TGS1: variants seen among roughly 807,000 people sequenced by gnomAD.
TGS1 encodes trimethylguanosine synthase 1.
In TGS1, 69 loss-of-function variants were observed where a neutral mutation model predicts 92.2. The ratio of observed to expected loss-of-function variants is 0.75; its 90% CI spans 0.62 to 0.91. The LOEUF (loss-of-function observed/expected upper bound fraction) is 0.91. TGS1 is among the 40% of genes least tolerant of loss of function. The probability of loss-of-function intolerance (pLI) is 0.00; values close to 1 mark genes in which losing one functional copy is unlikely to be tolerated. For synonymous variants in TGS1, 345 were observed against 338.1 expected (o/e 1.02, Z -0.22); for missense variants, 1,062 against 1,001.2 (o/e 1.06, Z -0.82).
chr8:55,788,769 C>G (rs1247021705), intron 4 of TGS1, among the ~76,000 whole-genome samples: 1 of 152,122 alleles, frequency 6.6e-6, no homozygotes, highest in East Asian at 1.9e-4. Flanking sequence ...CCTTTTTTAT[C>G]TGAAGATTTT....
At position 55,826,279 on chromosome 8, in the gene TGS1, T is replaced by G. The variant is rs1803790340; in HGVS notation, c.*1576T>G. 6.6e-6 allele frequency among the ~76,000 whole-genome samples: 1 copy of G among 152,198 alleles called. No homozygotes were observed. The highest frequency in any genetic ancestry group is 1.5e-5 in the Non-Finnish European group (1 of 68,046). Reference sequence around the variant, plus strand: ...ATATACTTCTTTCCACAGCTCATTTTCTTACTTGTATATTAATAAAGCTAA... The same window carrying G: ...ATATACTTCTTTCCACAGCTCATTTGCTTACTTGTATATTAATAAAGCTAA... On this transcript the variant is annotated 3_prime_UTR_variant, in exon 13 of 13. Coordinates refer to ENST00000260129, the MANE Select transcript of TGS1 (RefSeq NM_024831.8).
intron 10 of TGS1, among the ~76,000 whole-genome samples, chr8:55,806,024 G>A (rs1322030980): frequency 6.6e-6 from 1 of 151,234 alleles, no homozygotes; most frequent in Non-Finnish European, 1.5e-5. Context: ...GCACCACTGT[G>A]CTCTAGCTCG....
Position 55,785,776 on chromosome 8 carries a change from A to C in TGS1, c.224A>C (p.His75Pro), listed in dbSNP as rs767018953. ...GGYSCGTAES[H>P]DSKGIGLDES... is the part of the protein sequence containing the mutation. The stretch of plus-strand genomic sequence containing the variant: ...TATTCCTGTGGTACTGCAGAATCAC[A>C]TGACAGCAAAGGCATAGGCCTGGAT... Residue 75 changes from histidine to proline, a missense_variant, in exon 3 of 13, where the codon CAT (histidine) becomes CCT (proline). His to Pro is a moderately conservative substitution (Grantham distance 77, BLOSUM62 -2). Transcript: ENST00000260129. 6.2e-7 allele frequency: 1 copy of C among 1,613,810 alleles called. No individual in the cohort carries two copies. The highest frequency in any genetic ancestry group is 1.7e-5 in the Admixed American group (1 of 59,966).
At chr8:55,797,740 A>G (rs1172151153) in intron 7 of TGS1, among the ~76,000 whole-genome samples, 1 of 152,184 alleles carries the variant, frequency 6.6e-6, no homozygotes, top group Non-Finnish European at 1.5e-5. Flanking sequence ...CAGAACCTTC[A>G]TGTCAATCAC....
chr8:55,820,190 G>A lies in TGS1; in HGVS notation c.2440-4391G>A, dbSNP rs73603157. 5.7e-3 allele frequency among the ~76,000 whole-genome samples: 872 copies of A among 152,232 alleles called. 10 individuals carry two copies. The highest frequency in any genetic ancestry group is 0.02 in the African/African-American group (818 of 41,536). ...TATTCTTCCAGTAGGATGCAGTTGG[G>A]AGGTTATTTTCTCTCATTCGGTTAT... On this transcript the variant is annotated intron_variant, in intron 12 of 12. Coordinates refer to ENST00000260129, the MANE Select transcript of TGS1 (RefSeq NM_024831.8).
chr8:55,818,871 A>G (rs1480742374), intron 12 of TGS1, among the ~76,000 whole-genome samples: 1 of 152,194 alleles, frequency 6.6e-6, no homozygotes, highest in Non-Finnish European at 1.5e-5. Context: ...AACAGTCTTC[A>G]TGTTTCCAGT....
intron 11 of TGS1, 83 bp downstream of exon 11, chr8:55,811,180 T>TGG: frequency 7.6e-6 from 1 of 131,428 alleles, no homozygotes; most frequent in South Asian, 5.8e-5. Flanking sequence ...GGAGTGTGGG[T>TGG]GGGTGGGCAG....
Position 55,802,491 on chromosome 8 carries a change from C to T in TGS1, c.1884C>T (p.Asn628=). The T allele has an allele frequency of 6.2e-7, 1 of 1,613,754 alleles. No individual in the cohort carries two copies. The highest frequency in any genetic ancestry group is 8.5e-7 in the Non-Finnish European group (1 of 1,179,864). Residue 628 remains asparagine, a synonymous_variant, in exon 9 of 13, where the codon AAC becomes AAT. Transcript: ENST00000260129. The stretch of plus-strand genomic sequence containing the variant: ...AAAAGAAGAAGAACAAGAAGAAGAA[C>T]AAAAAGGTGAATGGTCTGCCTCCTG... The part of the protein sequence containing the change: ...EVKKKKNKKK[N]KKVNGLPPEI...
intron 7 of TGS1, among the ~76,000 whole-genome samples, chr8:55,796,415 C>A (rs761473423): frequency 1.3e-5 from 2 of 152,140 alleles, no homozygotes; most frequent in South Asian, 4.1e-4. Context: ...AGCCGTCAGG[C>A]GTGGTGGCTC....
In TGS1 at chr8:55,795,961, C is replaced by G. The variant is rs757427161; in HGVS notation, c.1368-17C>G. 2 of 1,589,542 alleles carry G rather than the reference C, an allele frequency of 1.3e-6. No homozygotes were observed. Among genetic ancestry groups the G allele is most frequent in the South Asian group, 2.3e-5 (2 of 86,974 alleles). Reference sequence around the variant, plus strand: ...CTAGAATTTAAGTTGTGAATAACTTCTTTTGATCTGTCACAGATATGGTGG... The same window carrying G: ...CTAGAATTTAAGTTGTGAATAACTTGTTTTGATCTGTCACAGATATGGTGG... On this transcript the variant is annotated splice_polypyrimidine_tract_variant and intron_variant, in intron 6 of 12. Coordinates refer to ENST00000260129, the MANE Select transcript of TGS1 (RefSeq NM_024831.8).
intron 9 of TGS1, among the ~76,000 whole-genome samples, 193 bp downstream of exon 9, chr8:55,802,799 C>G (rs1812256106): frequency 6.6e-6 from 1 of 152,150 alleles, no homozygotes. Flanking sequence ...CAGTACTTAA[C>G]ACACATCATG....
chr8:55,815,980 C>T (rs1391128353), intron 12 of TGS1, among the ~76,000 whole-genome samples: 1 of 151,666 alleles, frequency 6.6e-6, no homozygotes, highest in South Asian at 2.1e-4. Context: ...TAGGGTTTCT[C>T]TCTGTCACGC....
rs1355897635 is a variant in TGS1, at chr8:55,786,628, C to A, written c.730C>A (p.Leu244Ile). ...KEEWEQHYSQ[L>I]YWYYLEQFQY... Reference sequence around the variant, plus strand: ...AGAATGGGAGCAACATTATAGTCAACTTTATTGGTATTATTTGGAACAATT... The same window carrying A: ...AGAATGGGAGCAACATTATAGTCAAATTTATTGGTATTATTTGGAACAATT... The change falls in exon 4 of 13, where the codon CTT becomes ATT. Residue 244 changes from leucine to isoleucine, a missense_variant. Coordinates refer to ENST00000260129, the MANE Select transcript of TGS1 (RefSeq NM_024831.8). 1 of 1,614,166 alleles carries A rather than the reference C, an allele frequency of 6.2e-7. No individual in the cohort carries two copies. Among genetic ancestry groups the A allele is most frequent in the East Asian group, 2.2e-5 (1 of 44,880 alleles).
At chr8:55,779,098 A>G (rs1480207806) in intron 1 of TGS1, among the ~76,000 whole-genome samples, 2 of 152,170 alleles carry the variant, frequency 1.3e-5, no homozygotes, top group Non-Finnish European at 2.9e-5. Context: ...CAAATCTTCT[A>G]TTTTTGAGGC....
intron 1 of TGS1, among the ~76,000 whole-genome samples, chr8:55,777,902 A>AT (rs56285134): frequency 1.2e-4 from 18 of 150,576 alleles, no homozygotes; most frequent in Middle Eastern, 3.4e-3. Flanking sequence ...AATAATTTAA[A>AT]TTTTTTTTTT....
chr8:55,801,083 A>G (rs772496913), intron 8 of TGS1, among the ~76,000 whole-genome samples: 16 of 152,372 alleles, frequency 1.1e-4, no homozygotes, highest in East Asian at 3.9e-4. Context: ...TGTGACTTCA[A>G]TGTGGCTGAC....
rs3085191 is a variant in TGS1, at chr8:55,803,124, T to TGG, written c.1999+524_1999+525dup. On this transcript the variant is annotated intron_variant, in intron 9 of 12. Coordinates refer to ENST00000260129, the MANE Select transcript of TGS1 (RefSeq NM_024831.8). ...TTATTTTATAGGATGCCCTTCAATT[T>TGG]GGGGGGGTGTGTGTGTGTGTGTGTG... Among the ~76,000 whole-genome samples, 276 of 148,604 alleles carry TGG rather than the reference T, an allele frequency of 1.9e-3. 1 individual carries two copies. Among genetic ancestry groups the TGG allele is most frequent in the African/African-American group, 5.8e-3 (231 of 39,966 alleles).
chr8:55,807,175 G>A (rs1039631462), intron 10 of TGS1, among the ~76,000 whole-genome samples: 2 of 151,946 alleles, frequency 1.3e-5, no homozygotes, highest in Non-Finnish European at 2.9e-5. Flanking sequence ...TGATCCTCCC[G>A]CCTCAGCCTC....
At position 55,810,964 on chromosome 8, in the gene TGS1, T is replaced by A; in HGVS notation, c.2227T>A (p.Phe743Ile). 6.2e-7 allele frequency: 1 copy of A among 1,614,110 alleles called. No homozygotes were observed. Among genetic ancestry groups the A allele is most frequent in the Non-Finnish European group, 8.5e-7 (1 of 1,180,012 alleles). ...EVYGIADKIEFICGDFLLLAS... is the reference protein window; with the variant it reads ...EVYGIADKIEIICGDFLLLAS... ...TTATGGGATAGCAGATAAGATAGAG[T>A]TCATCTGTGGAGATTTCTTGCTGCT... The change falls in exon 11 of 13, where the codon TTC becomes ATC. Residue 743 changes from phenylalanine (F) to isoleucine (I), a missense_variant. By Grantham distance (21) the Phe-to-Ile change is conservative. Transcript: ENST00000260129.
Sources: allele counts gnomAD v4.1 joint callset (sites outside exome capture counted in the v4.1 genomes callset), GRCh38; gene constraint gnomAD v4.1.1; transcripts MANE v1.5; gene names NCBI Gene and HGNC (gene_info 2026-07-23, HGNC 2026-07-21).